COMMD10: variants seen among roughly 807,000 people sequenced by gnomAD.
COMMD10 encodes the protein COMM domain-containing protein 10.
A neutral mutation model predicts 28.9 loss-of-function variants in COMMD10; 33 were observed. The observed-to-expected ratio is 1.14, with a 90% CI of 0.87 to 1.53. COMMD10 has a LOEUF of 1.53. COMMD10 is among the 40% of genes most tolerant of loss of function. The pLI is 0.00. For missense variants in COMMD10, 310 were observed against 233.4 expected (o/e 1.33, Z -2.14); for synonymous variants, 110 against 81.7 (o/e 1.35, Z -1.87).
chr5:116,247,437 T>G (rs916519577), intron 5 of COMMD10, among the ~76,000 whole-genome samples: 3 of 151,992 alleles, frequency 2.0e-5, no homozygotes. Context: ...ACAGCAGAAA[T>G]ACCATTCAAG....
At chr5:116,105,104 G>A (rs1750795966) in intron 4 of COMMD10, among the ~76,000 whole-genome samples, 1 of 152,160 alleles carries the variant, frequency 6.6e-6, no homozygotes, top group African/African-American at 2.4e-5. Context: ...GTCATGAATA[G>A]CTCTTATTAT....
chr5:116,238,719 C>T (rs1749740913), intron 5 of COMMD10, among the ~76,000 whole-genome samples: 1 of 152,154 alleles, frequency 6.6e-6, no homozygotes, highest in South Asian at 2.1e-4. Context: ...TGAAAATCTC[C>T]AGCTCATACT....
At chr5:116,233,943 C>T (rs1225392522) in intron 5 of COMMD10, among the ~76,000 whole-genome samples, 1 of 152,026 alleles carries the variant, frequency 6.6e-6, no homozygotes, top group African/African-American at 2.4e-5. Flanking sequence ...CTAGAAGAAT[C>T]CTTGATAACT....
chr5:116,121,132 TGCCCCCC>T (rs985083231), intron 4 of COMMD10, among the ~76,000 whole-genome samples: 71 of 152,208 alleles, frequency 4.7e-4, no homozygotes, highest in African/African-American at 1.7e-3. Flanking sequence ...TCCTTCCCCC[TGCCCCCC>T]ACCACATGAC....
At chr5:116,199,500 A>G (rs984782193) in intron 5 of COMMD10, among the ~76,000 whole-genome samples, 4 of 151,872 alleles carry the variant, frequency 2.6e-5, no homozygotes, top group Non-Finnish European at 5.9e-5. Context: ...TCTTTTATGG[A>G]CTGTAGCTTT....
intron 1 of COMMD10, 118 bp downstream of exon 1, chr5:116,085,211 G>T: frequency 1.4e-6 from 1 of 715,572 alleles, no homozygotes. Flanking sequence ...GTTGAGTGGG[G>T]TGGGGTGGGG....
intron 5 of COMMD10, among the ~76,000 whole-genome samples, chr5:116,197,791 A>G (rs1748567563): frequency 6.6e-6 from 1 of 152,302 alleles, no homozygotes; most frequent in Middle Eastern, 3.4e-3. Flanking sequence ...TCCCTGTGAA[A>G]TAGCCAGTTA....
intron 5 of COMMD10, among the ~76,000 whole-genome samples, chr5:116,268,283 G>A (rs1207488507): frequency 6.6e-6 from 1 of 151,704 alleles, no homozygotes; most frequent in African/African-American, 2.4e-5. Flanking sequence ...ATCAAAAAGT[G>A]GGTGAAGGAT....
chr5:116,197,935 G>A (rs1051932814), intron 5 of COMMD10, among the ~76,000 whole-genome samples: 1 of 152,096 alleles, frequency 6.6e-6, no homozygotes, highest in African/African-American at 2.4e-5. Context: ...CCAGAACTAT[G>A]GATGCTTTCC....
chr5:116,136,636 A>G (rs1422646994), intron 5 of COMMD10, among the ~76,000 whole-genome samples: 1 of 152,202 alleles, frequency 6.6e-6, no homozygotes, highest in East Asian at 1.9e-4. Flanking sequence ...TAAGACAGCC[A>G]TGTTAATAAG....
chr5:116,085,764 G>T (rs937681724), intron 1 of COMMD10, among the ~76,000 whole-genome samples: 48 of 151,434 alleles, frequency 3.2e-4, no homozygotes, highest in African/African-American at 1.1e-3. Context: ...AATAGTGCAG[G>T]TAGCGTGTGG....
At chr5:116,253,559 T>G (rs1241199707) in intron 5 of COMMD10, among the ~76,000 whole-genome samples, 1 of 136,602 alleles carries the variant, frequency 7.3e-6, no homozygotes, top group African/African-American at 2.9e-5. Flanking sequence ...GATAATCATG[T>G]GGTTTTTGTC....
intron 5 of COMMD10, among the ~76,000 whole-genome samples, chr5:116,182,314 T>C (rs1580527767): frequency 7.8e-6 from 1 of 128,356 alleles, no homozygotes. Flanking sequence ...GGGAGGGAGG[T>C]GAAAGAGAAA....
intron 5 of COMMD10, chr5:116,188,693 G>A (rs73257238): frequency 0.11 from 15,952 of 144,116 alleles, 1,256 homozygotes; most frequent in African/African-American, 0.23. Flanking sequence ...GGAGTGCAGT[G>A]GCACGATCTT....
intron 5 of COMMD10, among the ~76,000 whole-genome samples, chr5:116,244,043 A>G (rs974008809): frequency 1.3e-5 from 2 of 152,128 alleles, no homozygotes; most frequent in Non-Finnish European, 2.9e-5. Flanking sequence ...ACACACACAC[A>G]TATTATATAT....
chr5:116,232,290 TG>T (rs1370114614), intron 5 of COMMD10, among the ~76,000 whole-genome samples: 1 of 151,514 alleles, frequency 6.6e-6, no homozygotes, highest in Non-Finnish European at 1.5e-5. Context: ...ATGTTAAAAG[TG>T]GGGGCCCAAT....
chr5:116,289,162 T>C (rs2112716539), intron 5 of COMMD10, among the ~76,000 whole-genome samples: 1 of 151,810 alleles, frequency 6.6e-6, no homozygotes, highest in East Asian at 1.9e-4. Flanking sequence ...GATTACAGAT[T>C]TGAGCTACCG....
chr5:116,140,840 T>C (rs990604919), intron 5 of COMMD10, among the ~76,000 whole-genome samples: 19 of 151,758 alleles, frequency 1.3e-4, no homozygotes, highest in African/African-American at 3.4e-4. Context: ...TATTAACCCC[T>C]TATCAGATAT....
At chr5:116,116,072 T>C (rs1751223869) in intron 4 of COMMD10, among the ~76,000 whole-genome samples, 1 of 152,172 alleles carries the variant, frequency 6.6e-6, no homozygotes, top group Non-Finnish European at 1.5e-5. Context: ...TAATATAAAC[T>C]ATTATATAGT....
Sources: allele counts gnomAD v4.1 joint callset (sites outside exome capture counted in the v4.1 genomes callset), GRCh38; gene constraint gnomAD v4.1.1; transcripts MANE v1.5; gene names NCBI Gene and HGNC (gene_info 2026-07-23, HGNC 2026-07-21).